BCL11B: variants seen among roughly 807,000 people sequenced by gnomAD.
The protein encoded by BCL11B is B-cell lymphoma/leukemia 11B.
In BCL11B, 8 loss-of-function variants were observed where a neutral mutation model predicts 49.9. The ratio of observed to expected loss-of-function variants is 0.16; its 90% CI spans 0.09 to 0.29. The LOEUF is 0.29. Among genes scored for constraint, BCL11B ranks in the 10% least tolerant of loss-of-function variants. The pLI is 1.00. For missense variants in BCL11B, 1,006 were observed against 1,351.0 expected, an observed-to-expected ratio of 0.74 and a Z score of 4.00; for synonymous variants, 739 against 637.4, an observed-to-expected ratio of 1.16 and a Z score of -2.40.
At position 99,175,531 on chromosome 14, in the gene BCL11B, G is replaced by A. The variant is rs1237795097; in HGVS notation, c.1305C>T (p.Thr435=). The A allele has an allele frequency of 1.9e-6, 3 of 1,606,910 alleles. No homozygotes were observed. Among genetic ancestry groups the A allele is most frequent in the Non-Finnish European group, 2.6e-6 (3 of 1,176,116 alleles). ...CGATGAGATTGCTCTGGAACTTGAA[G>A]GTCTTGCCGCAGAACTCGCACGACT... ...KSKSCEFCGK[T]FKFQSNLIVH... Residue 435 remains threonine, a synonymous_variant, in exon 4 of 4, where the codon ACC becomes ACT. Transcript: ENST00000357195.
chr14:99,208,748 C>G (rs777307990), intron 3 of BCL11B, among the ~76,000 whole-genome samples: 2 of 152,254 alleles, frequency 1.3e-5, no homozygotes, highest in Non-Finnish European at 2.9e-5. Flanking sequence ...GCAGCCGAGT[C>G]TGCGCAAAGG....
In BCL11B at chr14:99,172,050, A is replaced by G. The variant is rs1385494415; in HGVS notation, c.*2101T>C. On this transcript the variant is annotated 3_prime_UTR_variant, in exon 4 of 4. Transcript: ENST00000357195. ...CTATTAAGCAAACTTTGAAAAAAAA[A>G]GATCGCTCCAACACACATACACACA... is the stretch of plus-strand genomic sequence containing the variant. The G allele has an allele frequency of 4.6e-6, 1 of 215,734 alleles. No homozygotes were observed. Among genetic ancestry groups the G allele is most frequent in the African/African-American group, 2.3e-5 (1 of 44,300 alleles). The allele number at this position is 215,734 out of a possible 1,614,324, so 13.4% of individuals were successfully genotyped here. A position where few individuals can be genotyped will look rare whatever the true frequency, so the allele number is the denominator to read the frequency against.
rs762756917 is a variant in BCL11B at position 99,175,020 on chromosome 14, C to G, written c.1816G>C (p.Ala606Pro). 1 of 1,593,746 alleles carries G rather than the reference C, an allele frequency of 6.3e-7. No individual in the cohort carries two copies. The highest frequency in any genetic ancestry group is 1.1e-5 in the South Asian group (1 of 90,940). Residue 606 changes from alanine (A) to proline (P), a missense_variant, in exon 4 of 4, where the codon GCA (alanine) becomes CCA (proline). Ala to Pro is a conservative substitution (Grantham distance 27, BLOSUM62 -1). Around this residue, in one of 6 missense-constraint regions of BCL11B, gnomAD observed 443 missense variants for 499.7 expected, o/e 0.89. Transcript: ENST00000357195. ...GKVMENVGLG[A>P]LPQYGELLAD... Reference sequence around the variant, plus strand: ...AGGAGCTCGCCGTACTGCGGCAGTGCGCCTAGGCCCACGTTCTCCATGACC... The same window carrying G: ...AGGAGCTCGCCGTACTGCGGCAGTGGGCCTAGGCCCACGTTCTCCATGACC...
rs1216231179 is a variant in BCL11B at position 99,257,452 on chromosome 14, C to G, written c.427+19G>C. On this transcript the variant is annotated intron_variant, in intron 2 of 3. Transcript: ENST00000357195. This position sits in a 1 kb window ranked among gnomAD's most constrained non-coding sequence, Gnocchi z 6.2. ...GGAGGTGGCTTCCACAGCAACCAGG[C>G]AAGCGCAGCATCCCATACCTGCAAT... 1 of 1,565,950 alleles carries G rather than the reference C, an allele frequency of 6.4e-7. No homozygotes were observed. Among genetic ancestry groups the G allele is most frequent in the Admixed American group, 1.7e-5 (1 of 58,372 alleles).
rs1429889208 is a variant in BCL11B, at chr14:99,170,292, A to G, written c.*3859T>C. 2 of 221,004 alleles carry G rather than the reference A, an allele frequency of 9.0e-6. No homozygotes were observed. The highest frequency in any genetic ancestry group is 4.5e-5 in the African/African-American group (2 of 44,636). 13.7% of individuals were successfully genotyped at this position (221,004 alleles called of 1,614,324 possible). A position where few individuals can be genotyped will look rare whatever the true frequency, so the allele number is the denominator to read the frequency against. ...TTTAACTTTGCAAAGGTAAGTGGCA[A>G]GGAGGAAAGAGTGCATCGAACAGAA... On this transcript the variant is annotated 3_prime_UTR_variant, in exon 4 of 4. Coordinates refer to ENST00000357195, the MANE Select transcript of BCL11B (RefSeq NM_138576.4).
rs1335664041 is a variant in BCL11B, at chr14:99,257,226, C to T, written c.427+245G>A. Among the ~76,000 whole-genome samples the T allele has an allele frequency of 3.3e-5, 5 of 152,158 alleles. No homozygotes were observed. The highest frequency in any genetic ancestry group is 9.7e-5 in the African/African-American group (4 of 41,442). On this transcript the variant is annotated intron_variant, in intron 2 of 3. Coordinates refer to ENST00000357195, the MANE Select transcript of BCL11B (RefSeq NM_138576.4). This position sits in a 1 kb window ranked among gnomAD's most constrained non-coding sequence, Gnocchi z 6.2. ...TTCTGACCACCTCTGGATTAGCCCC[C>T]GAGACAGAGTCCCCTCACCAAAAGC... is the stretch of plus-strand genomic sequence containing the variant.
rs188848645 is a variant in BCL11B at position 99,203,037 on chromosome 14, C to T, written c.641-26842G>A. Among the ~76,000 whole-genome samples the T allele has an allele frequency of 2.9e-3, 439 of 152,298 alleles. 1 individual carries two copies. Among genetic ancestry groups the T allele is most frequent in the Middle Eastern group, 0.01 (3 of 294 alleles). ...TCCCGGCTCTCAGCTGTTCAATGTC[C>T]GCACCCCACTGTGGCACGAAGCTGG... On this transcript the variant is annotated intron_variant, in intron 3 of 3. Transcript: ENST00000357195.
rs1887507203 is a variant in BCL11B at position 99,205,440 on chromosome 14, C to T, written c.640+25905G>A. Among the ~76,000 whole-genome samples the T allele has an allele frequency of 1.3e-5, 2 of 152,338 alleles. No individual in the cohort carries two copies. Among genetic ancestry groups the T allele is most frequent in the Admixed American group, 6.5e-5 (1 of 15,308 alleles). On this transcript the variant is annotated intron_variant, in intron 3 of 3. Coordinates refer to ENST00000357195, the MANE Select transcript of BCL11B (RefSeq NM_138576.4). The surrounding 1 kb of genome is among the most constrained non-coding windows in gnomAD (Gnocchi z 5.0). ...CTCCCAAAGCCTGCATCTCCCACTT[C>T]TACAATGACTGGTTAAATGCGCCCA... is the stretch of plus-strand genomic sequence containing the variant.
intron 2 of BCL11B, among the ~76,000 whole-genome samples, chr14:99,238,805 C>CA (rs1888580360): frequency 6.6e-6 from 1 of 152,190 alleles, no homozygotes; most frequent in Non-Finnish European, 1.5e-5. Flanking sequence ...CTTCAGGACA[C>CA]AGATACAAAA....
intron 2 of BCL11B, among the ~76,000 whole-genome samples, chr14:99,236,335 G>A (rs776529573): frequency 1.3e-5 from 2 of 152,170 alleles, no homozygotes; most frequent in Non-Finnish European, 2.9e-5. Context: ...TATTAAGAGC[G>A]TGAGGGGGAA....
At chr14:99,246,659 TCTC>T (rs1460073176) in intron 2 of BCL11B, among the ~76,000 whole-genome samples, 17 of 152,168 alleles carry the variant, frequency 1.1e-4, no homozygotes, top group Non-Finnish European at 2.1e-4. Flanking sequence ...GCCATTGTGT[TCTC>T]CTGTGTGGCA....
Position 99,248,776 on chromosome 14 carries a change from C to T in BCL11B, c.427+8695G>A, listed in dbSNP as rs533586772. Among the ~76,000 whole-genome samples the T allele has an allele frequency of 6.6e-6, 1 of 152,262 alleles. No homozygotes were observed. Among genetic ancestry groups the T allele is most frequent in the East Asian group, 1.9e-4 (1 of 5,170 alleles). ...GGGAAAGGAATTGAGGTGGGAAATG[C>T]ACGACCTTCTGCCTGGCTCTTGCAG... On this transcript the variant is annotated intron_variant, in intron 2 of 3. Transcript: ENST00000357195. This position sits in a 1 kb window ranked among gnomAD's most constrained non-coding sequence, Gnocchi z 4.7.
intron 3 of BCL11B, among the ~76,000 whole-genome samples, chr14:99,220,073 C>A (rs1463055664): frequency 1.3e-5 from 2 of 152,096 alleles, no homozygotes; most frequent in African/African-American, 4.8e-5. Flanking sequence ...TCCAACAGTC[C>A]AAAAAACACT....
In BCL11B at chr14:99,213,072, C is replaced by T. The variant is rs1199935588; in HGVS notation, c.640+18273G>A. On this transcript the variant is annotated intron_variant, in intron 3 of 3. Transcript: ENST00000357195. The surrounding 1 kb of genome is among the most constrained non-coding windows in gnomAD (Gnocchi z 5.1). ...CCACCAGGGGAGAGGGGACCCTAGACCCTGTGCCAGTGCAGAGTGGGGGAC... is the reference window on the plus strand; with the variant it reads ...CCACCAGGGGAGAGGGGACCCTAGATCCTGTGCCAGTGCAGAGTGGGGGAC... 6.6e-6 allele frequency among the ~76,000 whole-genome samples: 1 copy of T among 152,192 alleles called. No individual in the cohort carries two copies. The highest frequency in any genetic ancestry group is 1.5e-5 in the Non-Finnish European group (1 of 68,038).
chr14:99,218,452 G>T (rs1336443840), intron 3 of BCL11B, among the ~76,000 whole-genome samples: 4 of 151,982 alleles, frequency 2.6e-5, no homozygotes, highest in Non-Finnish European at 5.9e-5. Context: ...GGGCAGAGCT[G>T]GGGGCCACAT....
intron 2 of BCL11B, among the ~76,000 whole-genome samples, chr14:99,237,051 C>G (rs1041363808): frequency 2.0e-4 from 29 of 148,540 alleles, no homozygotes; most frequent in Non-Finnish European, 1.8e-4. Context: ...CTCTCAATCC[C>G]TTTTTTTGGG....
Position 99,174,585 on chromosome 14 carries a change from G to T in BCL11B, c.2251C>A (p.Arg751Ser). 1 of 1,524,780 alleles carries T rather than the reference G, an allele frequency of 6.6e-7. No homozygotes were observed. The highest frequency in any genetic ancestry group is 1.2e-5 in the South Asian group (1 of 82,544). The allele number at this position is 1,524,780 out of a possible 1,614,324, so 94.5% of individuals were successfully genotyped here. ...SEHSSENGSLRFSTPPGDLLD... is the reference protein window; with the variant it reads ...SEHSSENGSLSFSTPPGDLLD... ...AGGTCCCCGGGCGGCGTGGAGAAGC[G>T]CAGGCTGCCGTTCTCGGACGAGTGC... The change falls in exon 4 of 4, where the codon CGC becomes AGC. Residue 751 changes from arginine (R) to serine (S), a missense_variant. By Grantham distance (110) the Arg-to-Ser change is moderately radical. Transcript: ENST00000357195.
At chr14:99,229,059 G>C (rs868767197) in intron 3 of BCL11B, among the ~76,000 whole-genome samples, 17 of 145,120 alleles carry the variant, frequency 1.2e-4, no homozygotes, top group East Asian at 2.2e-4. Flanking sequence ...TGGATGGATG[G>C]ATGGATGGAT....
chr14:99,238,735 C>T (rs1337423149), intron 2 of BCL11B, among the ~76,000 whole-genome samples: 4 of 152,278 alleles, frequency 2.6e-5, no homozygotes, highest in African/African-American at 7.2e-5. Context: ...TGCAAATAAA[C>T]CACAAACACT....
Sources: allele counts gnomAD v4.1 joint callset (sites outside exome capture counted in the v4.1 genomes callset), GRCh38; gene constraint gnomAD v4.1.1; regional missense constraint gnomAD v4.1.1; non-coding constraint Gnocchi (gnomAD v3.1); transcripts MANE v1.5; gene names NCBI Gene and HGNC (gene_info 2026-07-23, HGNC 2026-07-21).